TRAPPC8: variants seen among roughly 807,000 people sequenced by gnomAD.
The protein encoded by TRAPPC8 is trafficking protein particle complex subunit 8, also known as general sporulation gene 1 homolog.
Under a neutral mutation model 174.3 loss-of-function variants are expected in TRAPPC8, and 54 were observed. That is an observed-to-expected ratio of 0.31 (90% CI 0.25 to 0.39). The LOEUF (loss-of-function observed/expected upper bound fraction) is 0.39. Ranked by LOEUF, TRAPPC8 falls within the 10% of genes least tolerant of loss-of-function variation. The pLI is 1.00. For missense variants in TRAPPC8, 1,531 were observed against 1,699.1 expected, an observed-to-expected ratio of 0.90 and a Z score of 1.74; for synonymous variants, 630 against 579.9, an observed-to-expected ratio of 1.09 and a Z score of -1.24.
chr18:31,911,994 C>A (rs1413670527), intron 5 of TRAPPC8, among the ~76,000 whole-genome samples: 1 of 151,958 alleles, frequency 6.6e-6, no homozygotes, highest in Non-Finnish European at 1.5e-5. Flanking sequence ...CCTTAGAAGT[C>A]TGACAAAACA....
At chr18:31,912,676 A>C (rs1598728862) in intron 5 of TRAPPC8, among the ~76,000 whole-genome samples, 1 of 151,900 alleles carries the variant, frequency 6.6e-6, no homozygotes, top group Non-Finnish European at 1.5e-5. Flanking sequence ...AAAAGAAAAG[A>C]AAAAGAAAAA....
rs540141940 is a variant in TRAPPC8 at position 31,887,163 on chromosome 18, G to A, written c.1728+3572C>T. Among the ~76,000 whole-genome samples the A allele has an allele frequency of 3.1e-4, 47 of 152,108 alleles. 2 individuals are homozygous for A. The South Asian group carries it at 6.6e-3, about 21-fold the overall frequency. On this transcript the variant is annotated intron_variant, in intron 12 of 28. Coordinates refer to ENST00000283351, the MANE Select transcript of TRAPPC8 (RefSeq NM_014939.5). The stretch of plus-strand genomic sequence containing the variant: ...GCTTATCCACCACAATCAAGCTGGC[G>A]TCATCCCTAGGATGCAAGGCTGGTT...
chr18:31,873,174 C>T (rs887639448), intron 14 of TRAPPC8, among the ~76,000 whole-genome samples: 2 of 151,732 alleles, frequency 1.3e-5, no homozygotes, highest in African/African-American at 4.8e-5. Context: ...TGTGCCACCA[C>T]GCCCAGCTAA....
chr18:31,841,723 A>C (rs2033110956), intron 26 of TRAPPC8, among the ~76,000 whole-genome samples: 1 of 152,176 alleles, frequency 6.6e-6, no homozygotes, highest in Admixed American at 6.5e-5. Flanking sequence ...ACTTCTACCT[A>C]TACCTCACAG....
At chr18:31,877,429 G>A (rs1343788539) in intron 12 of TRAPPC8, among the ~76,000 whole-genome samples, 1 of 151,686 alleles carries the variant, frequency 6.6e-6, no homozygotes, top group African/African-American at 2.4e-5. Context: ...TGGCTAACAC[G>A]GTGAAACCCC....
chr18:31,859,457 T>C (rs939045138), intron 19 of TRAPPC8, among the ~76,000 whole-genome samples: 6 of 152,212 alleles, frequency 3.9e-5, no homozygotes, highest in African/African-American at 9.6e-5. Context: ...GATTAGTCAG[T>C]GTCAAGCTTA....
At chr18:31,861,935 A>AGGGGGGGG (rs1478982235) in intron 19 of TRAPPC8, among the ~76,000 whole-genome samples, 3 of 46,238 alleles carry the variant, frequency 6.5e-5, no homozygotes, top group African/African-American at 1.5e-4. Context: ...GAAAAAAAAA[A>AGGGGGGGG]AGGGGGGGGG....
rs979797824 is a variant in TRAPPC8, at chr18:31,928,346, C to T, written c.352+2983G>A. 3.1e-3 allele frequency among the ~76,000 whole-genome samples: 469 copies of T among 150,294 alleles called. 2 individuals are homozygous for T. Among genetic ancestry groups the T allele is most frequent in the African/African-American group, 0.011 (436 of 40,926 alleles). On this transcript the variant is annotated intron_variant, in intron 2 of 28. Transcript: ENST00000283351. ...GCGAGACCTTATCTCTACACACACA[C>T]ACACACACACACACACACACAGATT...
chr18:31,877,610 C>CA (rs1161138155), intron 12 of TRAPPC8, among the ~76,000 whole-genome samples: 54,929 of 77,140 alleles, frequency 0.71, 20,607 homozygotes, highest in African/African-American at 0.8. Context: ...GACTCCGTCT[C>CA]AAAAAAAAAA....
Position 31,908,293 on chromosome 18 carries a change from C to G in TRAPPC8, c.1238+10G>C, listed in dbSNP as rs373324722. On this transcript the variant is annotated intron_variant, in intron 8 of 28. Coordinates refer to ENST00000283351, the MANE Select transcript of TRAPPC8 (RefSeq NM_014939.5). ...CAGAGGAAAAACAAAAATGATAACA[C>G]TTTACTCACAGCAAGCCAGATGTAT... 2 of 1,574,084 alleles carry G rather than the reference C, an allele frequency of 1.3e-6. No individual in the cohort carries two copies. Among genetic ancestry groups the G allele is most frequent in the Non-Finnish European group, 1.7e-6 (2 of 1,157,076 alleles).
chr18:31,873,249 C>G (rs2034974016), intron 14 of TRAPPC8, among the ~76,000 whole-genome samples, 181 bp downstream of exon 14: 1 of 151,914 alleles, frequency 6.6e-6, no homozygotes, highest in Non-Finnish European at 1.5e-5. Flanking sequence ...GATCTCCTGA[C>G]CTCATGATCT....
chr18:31,830,532 G>A lies in TRAPPC8; in HGVS notation c.*223C>T. On this transcript the variant is annotated 3_prime_UTR_variant, in exon 29 of 29. Coordinates refer to ENST00000283351, the MANE Select transcript of TRAPPC8 (RefSeq NM_014939.5). ...CAAATATGCTGATATCCTGTATTAT[G>A]AGCATGTAAATTATTCTCAGGGTTT... is the stretch of plus-strand genomic sequence containing the variant. The A allele has an allele frequency of 1.8e-6, 1 of 544,276 alleles. No homozygotes were observed. Among genetic ancestry groups the A allele is most frequent in the Non-Finnish European group, 3.3e-6 (1 of 306,428 alleles). The allele number at this position is 544,276 out of a possible 1,614,324, so 33.7% of individuals were successfully genotyped here. A position where few individuals can be genotyped will look rare whatever the true frequency, so the allele number is the denominator to read the frequency against.
At chr18:31,907,351 G>T in intron 9 of TRAPPC8, 109 bp downstream of exon 9, 3 of 1,099,006 alleles carry the variant, frequency 2.7e-6, no homozygotes, top group East Asian at 2.5e-5. Context: ...AGTACTATAT[G>T]CTCTTTGAGT....
chr18:31,885,322 G>C (rs1415505499), intron 12 of TRAPPC8, among the ~76,000 whole-genome samples: 1 of 152,006 alleles, frequency 6.6e-6, no homozygotes, highest in Non-Finnish European at 1.5e-5. Context: ...ATGTAACTTG[G>C]GACAATCTAC....
chr18:31,893,980 G>C (rs910185412), intron 11 of TRAPPC8, among the ~76,000 whole-genome samples: 2 of 152,174 alleles, frequency 1.3e-5, no homozygotes, highest in Non-Finnish European at 2.9e-5. Context: ...TTAATGGTTT[G>C]CAAATGATTC....
In TRAPPC8 at chr18:31,830,600, G is replaced by A. The variant is rs552604245; in HGVS notation, c.*155C>T. On this transcript the variant is annotated 3_prime_UTR_variant, in exon 29 of 29. Coordinates refer to ENST00000283351, the MANE Select transcript of TRAPPC8 (RefSeq NM_014939.5). ...GAATGTTAAGTATTCTCAGTCCAAC[G>A]TGCTTTGCATCATCAACAAAATGAC... 4 of 619,022 alleles carry A rather than the reference G, an allele frequency of 6.5e-6. No homozygotes were observed. Among genetic ancestry groups the A allele is most frequent in the Admixed American group, 3.1e-5 (1 of 32,444 alleles). 38.3% of individuals were successfully genotyped at this position (619,022 alleles called of 1,614,324 possible).
intron 20 of TRAPPC8, among the ~76,000 whole-genome samples, chr18:31,857,027 T>G (rs2034057735): frequency 6.6e-6 from 1 of 152,180 alleles, no homozygotes; most frequent in Non-Finnish European, 1.5e-5. Flanking sequence ...AGATCCTGGA[T>G]GAGCCAGTTA....
chr18:31,835,696 A>G (rs1389898844), intron 27 of TRAPPC8, among the ~76,000 whole-genome samples: 1 of 152,206 alleles, frequency 6.6e-6, no homozygotes, highest in Non-Finnish European at 1.5e-5. Context: ...AACCTTGGTT[A>G]CTGTGGTAAC....
intron 2 of TRAPPC8, among the ~76,000 whole-genome samples, chr18:31,930,294 A>G (rs1295241532): frequency 6.6e-6 from 1 of 151,792 alleles, no homozygotes; most frequent in Non-Finnish European, 1.5e-5. Context: ...TAATTTTTGT[A>G]TTTTTAGTAG....
Sources: allele counts gnomAD v4.1 joint callset (sites outside exome capture counted in the v4.1 genomes callset), GRCh38; gene constraint gnomAD v4.1.1; transcripts MANE v1.5; gene names NCBI Gene and HGNC (gene_info 2026-07-23, HGNC 2026-07-21).